The following LIME1 variants were observed in gnomAD, a reference collection of about 807,000 sequenced individuals.
The protein encoded by LIME1 is lck-interacting transmembrane adapter 1.
In LIME1, 23 loss-of-function variants were observed where a neutral mutation model predicts 18.8. The observed-to-expected ratio is 1.22, with a 90% CI of 0.88 to 1.73. The LOEUF is 1.73. Among genes scored for constraint, LIME1 ranks in the 40% most tolerant of loss-of-function variants. The pLI is 0.00. For synonymous variants in LIME1, 177 were observed against 182.3 expected, an observed-to-expected ratio of 0.97 and a Z score of 0.23; for missense variants, 423 against 396.8, an observed-to-expected ratio of 1.07 and a Z score of -0.56.
chr20:63,736,717 G>T lies in LIME1; in HGVS notation c.-18+5G>T. The T allele has an allele frequency of 1.0e-6, 1 of 985,792 alleles. No homozygotes were observed. The highest frequency in any genetic ancestry group is 1.2e-6 in the Non-Finnish European group (1 of 830,192). The allele number at this position is 985,792 out of a possible 1,614,324, so 61.1% of individuals were successfully genotyped here. A position where few individuals can be genotyped will look rare whatever the true frequency, so the allele number is the denominator to read the frequency against. The stretch of plus-strand genomic sequence containing the variant: ...GGACCCCTGGCCGTGGGCTTGGTAA[G>T]TGCCCTCCTGGGGGGCAGCTGGGGT... On this transcript the variant is annotated splice_donor_5th_base_variant and intron_variant, in intron 1 of 5. Coordinates refer to ENST00000309546, the MANE Select transcript of LIME1 (RefSeq NM_017806.4).
chr20:63,738,802 G>A lies in LIME1; in HGVS notation c.790G>A (p.Ala264Thr), dbSNP rs2092024221. ...YESIRELGDP[A>T]GRSSTCGAGT... ...GAGCATCCGGGAGCTGGGGGACCCT[G>A]CTGGCAGGAGCAGCACGTGCGGGGC... Residue 264 changes from alanine (A) to threonine (T), a missense_variant, in exon 6 of 6, where the codon GCT becomes ACT. Ala to Thr is a moderately conservative substitution (Grantham distance 58). Transcript: ENST00000309546. 6 of 1,612,508 alleles carry A rather than the reference G, an allele frequency of 3.7e-6. No homozygotes were observed. Among genetic ancestry groups the A allele is most frequent in the East Asian group, 2.2e-5 (1 of 44,862 alleles).
At chr20:63,737,285 C>T in intron 1 of LIME1, 1 of 1,247,164 alleles carries the variant, frequency 8.0e-7, no homozygotes, top group Non-Finnish European at 1.0e-6. Context: ...TGGGTGTTAC[C>T]GTGGTCACCC....
Position 63,737,914 on chromosome 20 carries a change from G to C in LIME1, c.180+12G>C, listed in dbSNP as rs777516825. On this transcript the variant is annotated intron_variant, in intron 3 of 5. Coordinates refer to ENST00000309546, the MANE Select transcript of LIME1 (RefSeq NM_017806.4). ...CGGCGGCGGAAGCGGTGAGTGCCAGGCTGTCCCGGGGACCAGGGTGGGGTC... is the reference window on the plus strand; with the variant it reads ...CGGCGGCGGAAGCGGTGAGTGCCAGCCTGTCCCGGGGACCAGGGTGGGGTC... 4.4e-6 allele frequency: 7 copies of C among 1,580,338 alleles called. No individual in the cohort carries two copies. The highest frequency in any genetic ancestry group is 3.5e-5 in the Admixed American group (2 of 57,808).
chr20:63,737,264 C>G, intron 1 of LIME1: 1 of 1,216,746 alleles, frequency 8.2e-7, no homozygotes, highest in Non-Finnish European at 1.0e-6. Flanking sequence ...TGCCCCTCCT[C>G]ACGGCCGTGC....
At chr20:63,735,808 G>C (rs766704368), upstream of LIME1, 37 of 1,610,788 alleles carry the variant, frequency 2.3e-5, no homozygotes, top group South Asian at 4.1e-4. Context: ...CCCAGCTGCA[G>C]GAGAAGCTGG....
At chr20:63,736,049 C>T (rs1165354611), upstream of LIME1, 12 of 1,337,404 alleles carry the variant, frequency 9.0e-6, no homozygotes, top group Admixed American at 2.7e-5. Flanking sequence ...GGAGACAGAG[C>T]TGCGGGGTCC....
Position 63,739,008 on chromosome 20 carries a change from A to AGGTC in LIME1, c.*109_*112dup, listed in dbSNP as rs2092025911. On this transcript the variant is annotated 3_prime_UTR_variant, in exon 6 of 6. Coordinates refer to ENST00000309546, the MANE Select transcript of LIME1 (RefSeq NM_017806.4). ...CAGGTCCCCGGGCTGCCAGCCCGTGAGGTCCGTGAGGTCCTGGCCGCTCTG... is the reference window on the plus strand; with the variant it reads ...CAGGTCCCCGGGCTGCCAGCCCGTGAGGTCGGTCCGTGAGGTCCTGGCCGCTCTG... 1 of 1,004,106 alleles carries AGGTC rather than the reference A, an allele frequency of 1.0e-6. No homozygotes were observed. The highest frequency in any genetic ancestry group is 1.4e-6 in the Non-Finnish European group (1 of 703,272). The allele number at this position is 1,004,106 out of a possible 1,614,324, so 62.2% of individuals were successfully genotyped here.
At chr20:63,737,332 T>C in intron 1 of LIME1, 2 of 1,322,204 alleles carry the variant, frequency 1.5e-6, no homozygotes, top group Non-Finnish European at 1.9e-6. Context: ...GCAGCCCTAG[T>C]TCACCTCACC....
Position 63,738,206 on chromosome 20 carries a change from C to A in LIME1, c.292C>A (p.Leu98Ile), listed in dbSNP as rs1353981245. 3.4e-5 allele frequency: 54 copies of A among 1,586,692 alleles called. No individual in the cohort carries two copies. The highest frequency in any genetic ancestry group is 4.6e-5 in the Non-Finnish European group (54 of 1,171,842). Reference sequence around the variant, plus strand: ...AGCCCTGCGGCCTGCCAGCATGGATCTCCTGCGCCCACACTGGCTGGAGGT... The same window carrying A: ...AGCCCTGCGGCCTGCCAGCATGGATATCCTGCGCCCACACTGGCTGGAGGT... ...SRALRPASMD[L>I]LRPHWLEVSR... The change falls in exon 5 of 6, where the codon CTC (leucine) becomes ATC (isoleucine). Residue 98 changes from leucine to isoleucine, a missense_variant. By Grantham distance (5) the Leu-to-Ile change is conservative. Transcript: ENST00000309546.
At chr20:63,736,028 C>A, upstream of LIME1, 1 of 1,458,112 alleles carries the variant, frequency 6.9e-7, no homozygotes, top group Non-Finnish European at 9.2e-7. Flanking sequence ...GGCGTGCAGA[C>A]ACTGCTGAGT....
chr20:63,738,042 G>T lies in LIME1; in HGVS notation c.250G>T (p.Gly84Cys). Reference sequence around the variant, plus strand: ...CACCAGACTGCACGAGCTGCACCGGGGCCCGCGCAGCAGCAGGGGTGAGCA... The same window carrying T: ...CACCAGACTGCACGAGCTGCACCGGTGCCCGCGCAGCAGCAGGGGTGAGCA... ...SDTRLHELHR[G>C]PRSSRALRPA... Residue 84 changes from glycine to cysteine, a missense_variant, in exon 4 of 6, where the codon GGC (glycine) becomes TGC (cysteine). By Grantham distance (159) the Gly-to-Cys change is radical (BLOSUM62 -3). Transcript: ENST00000309546. The T allele has an allele frequency of 6.5e-7, 1 of 1,546,762 alleles. No homozygotes were observed. The highest frequency in any genetic ancestry group is 1.4e-5 in the African/African-American group (1 of 72,002).
At chr20:63,736,173 CTG>C (rs1271125053), upstream of LIME1, 6 of 533,476 alleles carry the variant, frequency 1.1e-5, no homozygotes, top group Non-Finnish European at 2.0e-5. Context: ...TGCAGGGTCT[CTG>C]GGGAGAGAAG....
At position 63,737,802 on chromosome 20, in the gene LIME1, C is replaced by T. The variant is rs753940626; in HGVS notation, c.99-19C>T. The T allele has an allele frequency of 8.6e-6, 12 of 1,392,054 alleles. No individual in the cohort carries two copies. The highest frequency in any genetic ancestry group is 1.1e-5 in the Non-Finnish European group (12 of 1,054,242). 86.2% of individuals were successfully genotyped at this position (1,392,054 alleles called of 1,614,324 possible). ...GAGGCTGACGACCCCGCCCCCCGCC[C>T]CCCACCTCTACCCCCAAGGCCCGAG... On this transcript the variant is annotated intron_variant, in intron 2 of 5. Transcript: ENST00000309546.
chr20:63,738,067 A>AGGGGGG lies in LIME1; in HGVS notation c.268+8_268+9insGGGGGG. ...GGCCCGCGCAGCAGCAGGGGTGAGC[A>AGGGGGG]GAGGGCGGGGCGGGGGCGGCCGGGC... On this transcript the variant is annotated splice_region_variant and intron_variant, in intron 4 of 5. Coordinates refer to ENST00000309546, the MANE Select transcript of LIME1 (RefSeq NM_017806.4). The AGGGGGG allele has an allele frequency of 6.1e-6, 6 of 984,316 alleles. No individual in the cohort carries two copies. The highest frequency in any genetic ancestry group is 5.4e-5 in the Admixed American group (2 of 36,812). 61.0% of individuals were successfully genotyped at this position (984,316 alleles called of 1,614,324 possible).
chr20:63,737,393 C>T, intron 1 of LIME1, 140 bp from the exon 2 acceptor site: 1 of 1,353,392 alleles, frequency 7.4e-7, no homozygotes, highest in Non-Finnish European at 9.5e-7. Context: ...GACTGCCAGG[C>T]CTTGGGGCTT....
chr20:63,735,946 C>A, upstream of LIME1: 1 of 1,594,786 alleles, frequency 6.3e-7, no homozygotes, highest in South Asian at 1.1e-5. Context: ...ATGGACGAAG[C>A]GTGGGACCCC....
chr20:63,735,771 C>CGGAG, upstream of LIME1: 1 of 1,589,616 alleles, frequency 6.3e-7, no homozygotes, highest in Non-Finnish European at 8.6e-7. Flanking sequence ...ACTAGTGAGC[C>CGGAG]CCTCCGCAGG....
chr20:63,737,454 G>C, intron 1 of LIME1, 79 bp from the exon 2 acceptor site: 1 of 1,390,322 alleles, frequency 7.2e-7, no homozygotes, highest in Non-Finnish European at 9.3e-7. Context: ...CCGCAGCCGC[G>C]GGAGGTGCAG....
chr20:63,738,057 A>G lies in LIME1; in HGVS notation c.265A>G (p.Arg89Gly). The G allele has an allele frequency of 7.7e-7, 1 of 1,293,432 alleles. No individual in the cohort carries two copies. The allele number at this position is 1,293,432 out of a possible 1,614,324, so 80.1% of individuals were successfully genotyped here. The change falls in exon 4 of 6, where the codon AGG becomes GGG. Residue 89 changes from arginine (R) to glycine (G), a missense_variant. By Grantham distance (125) the Arg-to-Gly change is moderately radical. Coordinates refer to ENST00000309546, the MANE Select transcript of LIME1 (RefSeq NM_017806.4). ...GCTGCACCGGGGCCCGCGCAGCAGC[A>G]GGGGTGAGCAGAGGGCGGGGCGGGG... ...HELHRGPRSSRALRPASMDLL... is the reference protein window; with the variant it reads ...HELHRGPRSSGALRPASMDLL...
Sources: allele counts gnomAD v4.1 joint callset, GRCh38; gene constraint gnomAD v4.1.1; transcripts MANE v1.5; gene names NCBI Gene and HGNC (gene_info 2026-07-23, HGNC 2026-07-21).